HYCC1: variants seen among roughly 807,000 people sequenced by gnomAD.
The protein encoded by HYCC1 is hyccin.
chr7:22,955,734 C>T, the HYCC1 span, among the ~76,000 whole-genome samples: 1 of 151,422 alleles, frequency 6.6e-6, no homozygotes, highest in African/African-American at 2.4e-5. Context: ...TGGAAAAACA[C>T]AAGGAAATAA....
the HYCC1 span, among the ~76,000 whole-genome samples, chr7:22,965,932 G>A: frequency 6.6e-6 from 1 of 152,138 alleles, no homozygotes. Flanking sequence ...GTATTATAGT[G>A]AGGAATATTT....
At chr7:22,998,604 G>C in the HYCC1 span, among the ~76,000 whole-genome samples, 1 of 151,976 alleles carries the variant, frequency 6.6e-6, no homozygotes, top group East Asian at 1.9e-4. Flanking sequence ...AATATTTATT[G>C]AATAGAAGAA....
the HYCC1 span, among the ~76,000 whole-genome samples, chr7:22,965,883 C>G: frequency 6.6e-6 from 1 of 152,006 alleles, no homozygotes. Context: ...GCCTCCCAGT[C>G]GCTGAGATTA....
chr7:22,960,450 A>T, the HYCC1 span: 18 of 1,489,856 alleles, frequency 1.2e-5, no homozygotes, highest in Non-Finnish European at 1.7e-5. Context: ...GATCAACATG[A>T]GCAGATAGAG....
chr7:23,004,192 A>C, the HYCC1 span, among the ~76,000 whole-genome samples: 12 of 152,198 alleles, frequency 7.9e-5, no homozygotes, highest in Middle Eastern at 3.2e-3. Flanking sequence ...GCAGAGCAAA[A>C]ATTTCTATCT....
At chr7:22,898,848 G>A in the HYCC1 span, among the ~76,000 whole-genome samples, 331 of 152,048 alleles carry the variant, frequency 2.2e-3, 2 homozygotes, top group African/African-American at 7.4e-3. Flanking sequence ...TGATCTGCCC[G>A]CCTCGGCCTC....
At chr7:22,979,834 A>G in the HYCC1 span, among the ~76,000 whole-genome samples, 11 of 152,236 alleles carry the variant, frequency 7.2e-5, no homozygotes, top group Non-Finnish European at 1.0e-4. Context: ...ATACGAAAAT[A>G]TAACAAGACA....
chr7:22,922,323 C>T, the HYCC1 span, among the ~76,000 whole-genome samples: 4 of 152,262 alleles, frequency 2.6e-5, no homozygotes, highest in Non-Finnish European at 4.4e-5. Context: ...TCTCAATTTA[C>T]GATAGGGTTA....
the HYCC1 span, among the ~76,000 whole-genome samples, chr7:22,928,440 T>C: frequency 5.9e-5 from 9 of 152,198 alleles, no homozygotes; most frequent in African/African-American, 2.2e-4. Flanking sequence ...GAAAACCCCA[T>C]AGTCTCAGCC....
At chr7:22,964,391 T>G in the HYCC1 span, 1 of 1,256,892 alleles carries the variant, frequency 8.0e-7, no homozygotes, top group Non-Finnish European at 1.2e-6. Context: ...TAAATGTTTA[T>G]TTCGCATATG....
chr7:22,915,953 C>T, the HYCC1 span, among the ~76,000 whole-genome samples: 199 of 152,216 alleles, frequency 1.3e-3, no homozygotes, highest in African/African-American at 4.5e-3. Context: ...TTCCCAAATT[C>T]AAAGCCTCCT....
chr7:22,956,939 A>T, the HYCC1 span, among the ~76,000 whole-genome samples: 1 of 151,958 alleles, frequency 6.6e-6, no homozygotes, highest in East Asian at 1.9e-4. Context: ...TTAAACTTCC[A>T]TTATAATACT....
chr7:22,994,251 A>C, the HYCC1 span, among the ~76,000 whole-genome samples: 2 of 152,252 alleles, frequency 1.3e-5, no homozygotes, highest in African/African-American at 4.8e-5. Context: ...ATTCTATACA[A>C]CAAAATATAA....
At chr7:22,924,506 G>C in the HYCC1 span, among the ~76,000 whole-genome samples, 2 of 152,208 alleles carry the variant, frequency 1.3e-5, no homozygotes, top group Non-Finnish European at 2.9e-5. Context: ...TTTCCAACGG[G>C]CTTAACAAAC....
chr7:22,962,620 A>G, the HYCC1 span, among the ~76,000 whole-genome samples: 1 of 151,594 alleles, frequency 6.6e-6, no homozygotes, highest in African/African-American at 2.4e-5. Flanking sequence ...CTATGCTGAG[A>G]TAAGTAGTGG....
At chr7:22,974,066 T>C in the HYCC1 span, among the ~76,000 whole-genome samples, 83,324 of 151,934 alleles carry the variant, frequency 0.55, 23,393 homozygotes, top group Non-Finnish European at 0.61. Flanking sequence ...ACCTGGACTT[T>C]GCAGTGTGTT....
At chr7:22,921,338 T>C in the HYCC1 span, among the ~76,000 whole-genome samples, 1 of 152,096 alleles carries the variant, frequency 6.6e-6, no homozygotes, top group Non-Finnish European at 1.5e-5. Flanking sequence ...TAATACCAGA[T>C]GGTAACTCAA....
At chr7:22,965,738 C>T in the HYCC1 span, among the ~76,000 whole-genome samples, 3 of 151,910 alleles carry the variant, frequency 2.0e-5, no homozygotes, top group East Asian at 5.8e-4. Context: ...GCAATCCTCC[C>T]ATCTCAACCT....
the HYCC1 span, among the ~76,000 whole-genome samples, chr7:22,967,503 A>T: frequency 6.6e-6 from 1 of 152,208 alleles, no homozygotes; most frequent in African/African-American, 2.4e-5. Context: ...AATATCTTAT[A>T]ACCTGCTAGG....
Sources: allele counts gnomAD v4.1 joint callset (sites outside exome capture counted in the v4.1 genomes callset), GRCh38; gene constraint gnomAD v4.1.1; transcripts MANE v1.5; gene names NCBI Gene and HGNC (gene_info 2026-07-23, HGNC 2026-07-21).